PPP3CA: variants seen among roughly 807,000 people sequenced by gnomAD.
The protein encoded by PPP3CA is protein phosphatase 3 catalytic subunit alpha.
In PPP3CA, 14 loss-of-function variants were observed where a neutral mutation model predicts 66.5. That is an observed-to-expected ratio of 0.21 (90% CI 0.14 to 0.33). The LOEUF is 0.33. Among genes scored for constraint, PPP3CA ranks in the 10% least tolerant of loss-of-function variants. PPP3CA has a pLI of 1.00. For synonymous variants in PPP3CA, 232 were observed against 226.2 expected (o/e 1.03, Z -0.23); for missense variants, 317 against 639.5 (o/e 0.50, Z 5.44).
At chr4:101,224,406 C>G (rs1725718038) in intron 1 of PPP3CA, among the ~76,000 whole-genome samples, 1 of 151,844 alleles carries the variant, frequency 6.6e-6, no homozygotes, top group Non-Finnish European at 1.5e-5. Context: ...ACTCCTTCTT[C>G]TCTGCATTTC....
chr4:101,127,479 A>G (rs1722283752), intron 2 of PPP3CA, among the ~76,000 whole-genome samples: 1 of 152,176 alleles, frequency 6.6e-6, no homozygotes, highest in South Asian at 2.1e-4. Context: ...AGATGGAGGC[A>G]GAAAATGGAA....
At chr4:101,079,977 A>G (rs1729364638) in intron 8 of PPP3CA, among the ~76,000 whole-genome samples, 1 of 152,216 alleles carries the variant, frequency 6.6e-6, no homozygotes, top group Admixed American at 6.5e-5. Flanking sequence ...ACAGGAACTC[A>G]GTCTGCATAT....
At chr4:101,052,757 CCCTTGCATATAATTT>C (rs768049772) in intron 10 of PPP3CA, among the ~76,000 whole-genome samples, 18 of 151,978 alleles carry the variant, frequency 1.2e-4, no homozygotes, top group African/African-American at 1.7e-4. Flanking sequence ...CGGATGTCCA[CCCTTGCATATAATTT>C]CCTTGAAAAA....
chr4:101,080,356 G>A (rs1175684812), intron 8 of PPP3CA, among the ~76,000 whole-genome samples, 176 bp downstream of exon 8: 1 of 151,928 alleles, frequency 6.6e-6, no homozygotes, highest in East Asian at 1.9e-4. Context: ...CCCAATCTCT[G>A]ACCAAATTTG....
At chr4:101,237,920 C>G (rs909616895) in intron 1 of PPP3CA, among the ~76,000 whole-genome samples, 1 of 152,042 alleles carries the variant, frequency 6.6e-6, no homozygotes. Flanking sequence ...AGACCAAACT[C>G]AAAAGCCATC....
chr4:101,303,120 G>A (rs1163495864), intron 1 of PPP3CA, among the ~76,000 whole-genome samples: 1 of 152,156 alleles, frequency 6.6e-6, no homozygotes, highest in Admixed American at 6.5e-5. Context: ...TACAAGGACA[G>A]ATTCTGTAAT....
At chr4:101,109,389 G>A (rs924338106) in intron 2 of PPP3CA, among the ~76,000 whole-genome samples, 13 of 148,346 alleles carry the variant, frequency 8.8e-5, no homozygotes, top group Non-Finnish European at 1.8e-4. Context: ...TTTATGAGAC[G>A]CTGCCAGGAT....
intron 1 of PPP3CA, among the ~76,000 whole-genome samples, chr4:101,233,889 A>T (rs980464328): frequency 2.0e-5 from 3 of 151,310 alleles, no homozygotes; most frequent in Non-Finnish European, 4.4e-5. Flanking sequence ...CCCAATAGAT[A>T]TTTTTTTCTG....
intron 2 of PPP3CA, among the ~76,000 whole-genome samples, chr4:101,189,687 C>CAAAAA (rs554383258): frequency 1.7e-4 from 12 of 72,576 alleles, no homozygotes; most frequent in East Asian, 8.3e-4. Flanking sequence ...TAGTGAACGG[C>CAAAAA]AAAAAAAAAA....
In PPP3CA at chr4:101,024,041, T is replaced by A. The variant is rs944607535; in HGVS notation, c.*1824A>T. On this transcript the variant is annotated 3_prime_UTR_variant, in exon 14 of 14. Transcript: ENST00000394854. ...ACAACCTGATAACAAATTAATTTTA[T>A]TTTTCAATAAAAAGGAATGCTCTGG... The A allele has an allele frequency of 1.3e-5, 2 of 152,310 alleles. No homozygotes were observed. The highest frequency in any genetic ancestry group is 2.9e-5 in the Non-Finnish European group (2 of 68,054). 9.4% of individuals were successfully genotyped at this position (152,310 alleles called of 1,614,324 possible). A position where few individuals can be genotyped will look rare whatever the true frequency, so the allele number is the denominator to read the frequency against.
intron 2 of PPP3CA, among the ~76,000 whole-genome samples, chr4:101,136,918 A>G (rs1490615237): frequency 2.0e-5 from 3 of 152,184 alleles, no homozygotes; most frequent in Admixed American, 6.5e-5. Flanking sequence ...AACAATGCTT[A>G]TAACTCAAAG....
intron 6 of PPP3CA, 42 bp from the exon 7 acceptor site, chr4:101,083,305 T>C (rs1344066379): frequency 1.3e-6 from 2 of 1,506,126 alleles, no homozygotes; most frequent in Non-Finnish European, 1.8e-6. Context: ...TGTTAGGAAA[T>C]CATCAGGAGT....
intron 10 of PPP3CA, among the ~76,000 whole-genome samples, chr4:101,059,019 T>C (rs868260054): frequency 1.3e-5 from 2 of 152,132 alleles, no homozygotes; most frequent in African/African-American, 2.4e-5. Context: ...GGGATTATTA[T>C]TGTATTAATG....
chr4:101,344,525 C>T (rs184144758), intron 1 of PPP3CA, among the ~76,000 whole-genome samples: 46 of 152,168 alleles, frequency 3.0e-4, no homozygotes, highest in Non-Finnish European at 2.9e-5. Context: ...AAAACAAATG[C>T]AAAATTAACT....
chr4:101,099,751 A>T, intron 3 of PPP3CA, 29 bp from the exon 4 acceptor site: 1 of 1,240,848 alleles, frequency 8.1e-7, no homozygotes, highest in Non-Finnish European at 1.1e-6. Context: ...ATATAAAAAT[A>T]AATATTTTTC....
chr4:101,106,318 C>T (rs894189215), intron 3 of PPP3CA, among the ~76,000 whole-genome samples: 1 of 147,282 alleles, frequency 6.8e-6, no homozygotes, highest in African/African-American at 2.5e-5. Flanking sequence ...TATGACTGTG[C>T]TACTGCATTG....
At chr4:101,199,176 C>T (rs1308754645) in intron 1 of PPP3CA, among the ~76,000 whole-genome samples, 1 of 152,196 alleles carries the variant, frequency 6.6e-6, no homozygotes, top group African/African-American at 2.4e-5. Context: ...TTTGCTTTCT[C>T]TATTCACCTA....
chr4:101,174,677 A>T (rs2659505), intron 2 of PPP3CA, among the ~76,000 whole-genome samples: 21,961 of 152,120 alleles, frequency 0.14, 2,055 homozygotes, highest in East Asian at 0.29. Flanking sequence ...CTAAAAGAAT[A>T]TAAAGTCTAA....
chr4:101,246,652 T>G (rs1393628753), intron 1 of PPP3CA, among the ~76,000 whole-genome samples: 2 of 152,160 alleles, frequency 1.3e-5, no homozygotes, highest in Admixed American at 6.5e-5. Context: ...ATAAAACAAC[T>G]GTGAATTAAA....
Sources: allele counts gnomAD v4.1 joint callset (sites outside exome capture counted in the v4.1 genomes callset), GRCh38; gene constraint gnomAD v4.1.1; transcripts MANE v1.5; gene names NCBI Gene and HGNC (gene_info 2026-07-23, HGNC 2026-07-21).